Variants in DNAH9 observed in about 807,000 individuals in gnomAD.
DNAH9 encodes dynein axonemal heavy chain 9.
A neutral mutation model predicts 471.6 loss-of-function variants in DNAH9; 345 were observed. The ratio of observed to expected loss-of-function variants is 0.73; its 90% CI spans 0.67 to 0.80. The LOEUF (loss-of-function observed/expected upper bound fraction) is 0.80. Among genes scored for constraint, DNAH9 ranks in the 30% least tolerant of loss-of-function variants. DNAH9 has a pLI of 0.00. For synonymous variants in DNAH9, 2,093 were observed against 2,123.6 expected (o/e 0.99, Z 0.40); for missense variants, 5,407 against 5,609.2 (o/e 0.96, Z 1.15).
rs865975756 is a variant in DNAH9, at chr17:11,932,409, T to G, written c.12297+204T>G. Among the ~76,000 whole-genome samples, 1 of 152,116 alleles carries G rather than the reference T, an allele frequency of 6.6e-6. No homozygotes were observed. The highest frequency in any genetic ancestry group is 1.9e-4 in the East Asian group (1 of 5,190). ...TCATGTTCCAAGCCCCACTCCCCAT[T>G]ACCTGACAGCCAGATTATTTGAAAC... On this transcript the variant is annotated intron_variant, in intron 64 of 68. Coordinates refer to ENST00000262442, the MANE Select transcript of DNAH9 (RefSeq NM_001372.4). This position sits in a 1 kb window ranked among gnomAD's most constrained non-coding sequence, Gnocchi z 4.3.
intron 37 of DNAH9, 28 bp from the exon 38 acceptor site, chr17:11,769,094 T>C (rs754806032): frequency 3.1e-6 from 5 of 1,612,412 alleles, no homozygotes; most frequent in Non-Finnish European, 4.2e-6. Flanking sequence ...AGCCCACCCT[T>C]GGCAGGCTTA....
intron 17 of DNAH9, among the ~76,000 whole-genome samples, chr17:11,678,179 T>C (rs1382708452): frequency 6.6e-6 from 1 of 152,196 alleles, no homozygotes; most frequent in Non-Finnish European, 1.5e-5. Context: ...TGCCTCAGCA[T>C]CCCGAGTAGC....
intron 41 of DNAH9, among the ~76,000 whole-genome samples, chr17:11,786,928 G>A (rs375340223): frequency 6.6e-6 from 1 of 152,194 alleles, no homozygotes; most frequent in South Asian, 2.1e-4. Flanking sequence ...TGCTCCAAGT[G>A]TGGAGAACGC....
intron 9 of DNAH9, among the ~76,000 whole-genome samples, chr17:11,639,907 A>G (rs1422967271): frequency 6.6e-6 from 1 of 152,126 alleles, no homozygotes; most frequent in African/African-American, 2.4e-5. Flanking sequence ...GGAGGCTGAG[A>G]CAGGAGAATC....
At chr17:11,832,418 T>A (rs1030779191) in intron 48 of DNAH9, among the ~76,000 whole-genome samples, 1 of 152,256 alleles carries the variant, frequency 6.6e-6, no homozygotes, top group Non-Finnish European at 1.5e-5. Flanking sequence ...GTTTGCTGAC[T>A]GGAGTGATTA....
intron 1 of DNAH9, among the ~76,000 whole-genome samples, chr17:11,602,377 T>G (rs1256445713): frequency 6.6e-6 from 1 of 152,218 alleles, no homozygotes; most frequent in Non-Finnish European, 1.5e-5. Context: ...ACCCATCTGA[T>G]GGATCCTTGT....
intron 66 of DNAH9, among the ~76,000 whole-genome samples, chr17:11,940,187 T>G (rs868762371): frequency 1.3e-5 from 2 of 152,350 alleles, no homozygotes; most frequent in Middle Eastern, 3.4e-3. Context: ...ACTCCGTCCC[T>G]TGGAACCCAC....
intron 14 of DNAH9, among the ~76,000 whole-genome samples, chr17:11,659,037 T>G (rs1344783548): frequency 6.6e-6 from 1 of 152,218 alleles, no homozygotes; most frequent in African/African-American, 2.4e-5. Flanking sequence ...TTTTATTTTC[T>G]GAAAAAGTTT....
At chr17:11,662,718 A>T (rs2073791120) in intron 14 of DNAH9, among the ~76,000 whole-genome samples, 1 of 125,146 alleles carries the variant, frequency 8.0e-6, no homozygotes, top group African/African-American at 2.9e-5. Context: ...TAATTTGCTG[A>T]TGGATCACCT....
At chr17:11,789,988 A>C (rs915683004) in intron 41 of DNAH9, among the ~76,000 whole-genome samples, 6 of 151,962 alleles carry the variant, frequency 3.9e-5, no homozygotes, top group African/African-American at 1.2e-4. Flanking sequence ...AAACATTTAG[A>C]GATTATCTAG....
At chr17:11,657,767 A>T (rs1331252397) in intron 14 of DNAH9, among the ~76,000 whole-genome samples, 2 of 151,934 alleles carry the variant, frequency 1.3e-5, no homozygotes, top group Non-Finnish European at 2.9e-5. Flanking sequence ...GTAACATCTG[A>T]TTGTTCCCAT....
At chr17:11,665,246 A>G (rs2073847213) in intron 15 of DNAH9, among the ~76,000 whole-genome samples, 1 of 152,236 alleles carries the variant, frequency 6.6e-6, no homozygotes, top group Non-Finnish European at 1.5e-5. Flanking sequence ...ATCAAGCTTC[A>G]GTAAAGAGGA....
Position 11,891,839 on chromosome 17 carries a change from G to A in DNAH9, c.11175G>A (p.Glu3725=). The A allele has an allele frequency of 1.9e-6, 3 of 1,614,124 alleles. No individual in the cohort carries two copies. The highest frequency in any genetic ancestry group is 1.7e-6 in the Non-Finnish European group (2 of 1,180,012). Residue 3725 remains glutamate, a synonymous_variant, in exon 58 of 69, where the codon GAG becomes GAA. Coordinates refer to ENST00000262442, the MANE Select transcript of DNAH9 (RefSeq NM_001372.4). ...ERAAPDESLR[E]RVANLIDSIT... ...CTGCTCCTGACGAAAGCCTCAGGGA[G>A]CGGGTGGCCAACCTAATAGACAGCA...
At position 11,892,088 on chromosome 17, in the gene DNAH9, G is replaced by C. The variant is rs1973071061; in HGVS notation, c.11283+141G>C. The C allele has an allele frequency of 8.9e-6, 9 of 1,006,540 alleles. No individual in the cohort carries two copies. The South Asian group carries it at 1.1e-4, about 12-fold the overall frequency. The allele number at this position is 1,006,540 out of a possible 1,614,324, so 62.4% of individuals were successfully genotyped here. On this transcript the variant is annotated intron_variant, in intron 58 of 68. Coordinates refer to ENST00000262442, the MANE Select transcript of DNAH9 (RefSeq NM_001372.4). The surrounding 1 kb of genome is among the most constrained non-coding windows in gnomAD (Gnocchi z 4.3). ...GTCTTTGGATAGAGGCATCAGACAA[G>C]AAGGTCCAATGTGGTGTGTGCATCT...
chr17:11,727,915 C>T lies in DNAH9; in HGVS notation c.5807C>T (p.Ala1936Val). ...RISVEVLSVV[A>V]VQVKSIQDAI... ...TCCGTGGAGGTCTTGTCAGTGGTGG[C>T]AGTGCAGGTAAGGGCCAGAAGTTGG... is the stretch of plus-strand genomic sequence containing the variant. Residue 1936 changes from alanine to valine, a missense_variant, in exon 28 of 69, where the codon GCA becomes GTA. Coordinates refer to ENST00000262442, the MANE Select transcript of DNAH9 (RefSeq NM_001372.4). 1 of 1,611,626 alleles carries T rather than the reference C, an allele frequency of 6.2e-7. No individual in the cohort carries two copies. The highest frequency in any genetic ancestry group is 8.5e-7 in the Non-Finnish European group (1 of 1,177,764).
At chr17:11,841,911 C>T (rs993688898) in intron 49 of DNAH9, among the ~76,000 whole-genome samples, 1 of 151,990 alleles carries the variant, frequency 6.6e-6, no homozygotes, top group African/African-American at 2.4e-5. Context: ...TTTTTCTGTT[C>T]ATTACCTACT....
intron 58 of DNAH9, among the ~76,000 whole-genome samples, chr17:11,893,229 T>G (rs1412449817): frequency 6.8e-6 from 1 of 147,400 alleles, no homozygotes; most frequent in Non-Finnish European, 1.5e-5. Context: ...AATCATGAGC[T>G]CAAACTAAGC....
At chr17:11,898,229 A>G (rs932912230) in intron 59 of DNAH9, among the ~76,000 whole-genome samples, 26 of 151,574 alleles carry the variant, frequency 1.7e-4, no homozygotes, top group African/African-American at 6.3e-4. Flanking sequence ...GGTTCAAGCG[A>G]TTCTCCTGAC....
rs71142253 is a variant in DNAH9 at position 11,926,035 on chromosome 17, G to GA, written c.11877+2121dup. 7.0e-3 allele frequency among the ~76,000 whole-genome samples: 417 copies of GA among 59,906 alleles called. 29 individuals are homozygous for GA. Among genetic ancestry groups the GA allele is most frequent in the Middle Eastern group, 0.013 (1 of 80 alleles). 39.3% of individuals were successfully genotyped at this position (59,906 alleles called of 152,430 possible). A position where few individuals can be genotyped will look rare whatever the true frequency, so the allele number is the denominator to read the frequency against. ...AGCCTGTAAACCTGAGAGATTCTCT[G>GA]AAAAAAAAAAAAAAAAAAAAAAAAA... On this transcript the variant is annotated intron_variant, in intron 62 of 68. Coordinates refer to ENST00000262442, the MANE Select transcript of DNAH9 (RefSeq NM_001372.4).
Sources: allele counts gnomAD v4.1 joint callset (sites outside exome capture counted in the v4.1 genomes callset), GRCh38; gene constraint gnomAD v4.1.1; non-coding constraint Gnocchi (gnomAD v3.1); transcripts MANE v1.5; gene names NCBI Gene and HGNC (gene_info 2026-07-23, HGNC 2026-07-21).